LSAMP: variants seen among roughly 807,000 people sequenced by gnomAD.
The protein encoded by LSAMP is limbic system associated membrane protein, also known as limbic system-associated membrane protein.
A neutral mutation model predicts 38.6 loss-of-function variants in LSAMP; 7 were observed. The ratio of observed to expected loss-of-function variants is 0.18; its 90% CI spans 0.10 to 0.34. The LOEUF is 0.34. LSAMP is among the 10% of genes least tolerant of loss of function. The probability of loss-of-function intolerance (pLI) is 1.00; values close to 1 mark genes in which losing one functional copy is unlikely to be tolerated. For synonymous variants in LSAMP, 154 were observed against 166.8 expected (o/e 0.92, Z 0.59); for missense variants, 313 against 420.0 (o/e 0.75, Z 2.23).
chr3:115,952,142 A>G (rs1238075216), intron 3 of LSAMP, among the ~76,000 whole-genome samples: 1 of 152,186 alleles, frequency 6.6e-6, no homozygotes, highest in African/African-American at 2.4e-5. Flanking sequence ...TATAATCACA[A>G]CAGAAAACAG....
chr3:115,935,507 A>G (rs1214846542), intron 3 of LSAMP, among the ~76,000 whole-genome samples: 1 of 152,220 alleles, frequency 6.6e-6, no homozygotes, highest in East Asian at 1.9e-4. Context: ...ATGGAAGTCC[A>G]CTAGGTATCG....
At position 115,977,484 on chromosome 3, in the gene LSAMP, C is replaced by T. The variant is rs147946697; in HGVS notation, c.514+42031G>A. Among the ~76,000 whole-genome samples the T allele has an allele frequency of 3.2e-4, 49 of 152,310 alleles. No individual in the cohort carries two copies. The East Asian group carries it at 9.3e-3, about 29-fold the overall frequency. On this transcript the variant is annotated intron_variant, in intron 3 of 6. Coordinates refer to ENST00000490035, the MANE Select transcript of LSAMP (RefSeq NM_002338.5). The stretch of plus-strand genomic sequence containing the variant: ...TAATTTACCATAGGTTCCTGCCAGA[C>T]ATGGCCAGTCACTCTCCCTTGTGTT...
At chr3:116,427,116 T>TC (rs2049208395) in intron 1 of LSAMP, among the ~76,000 whole-genome samples, 1 of 139,206 alleles carries the variant, frequency 7.2e-6, no homozygotes, top group African/African-American at 2.6e-5. Context: ...TTTCTTTTTT[T>TC]TTTTTTTTTT....
intron 1 of LSAMP, among the ~76,000 whole-genome samples, chr3:116,273,078 AG>A (rs2046995195): frequency 6.6e-6 from 1 of 152,140 alleles, no homozygotes; most frequent in African/African-American, 2.4e-5. Context: ...AGGTCATCAC[AG>A]CACTTAATAA....
chr3:116,411,896 G>T (rs1160987591), intron 1 of LSAMP, among the ~76,000 whole-genome samples: 1 of 151,778 alleles, frequency 6.6e-6, no homozygotes, highest in East Asian at 1.9e-4. Context: ...ATTATTGAGG[G>T]AGTGGGATCC....
chr3:116,380,857 T>C (rs909129781), intron 1 of LSAMP, among the ~76,000 whole-genome samples: 2 of 152,068 alleles, frequency 1.3e-5, no homozygotes, highest in African/African-American at 4.8e-5. Context: ...TGGTTTACAC[T>C]GTTACAAGTA....
rs1002472639 is a variant in LSAMP at position 116,445,342 on chromosome 3, T to C, written c.-311A>G. ...GGAAGCCAAAGGAAAGGGTTCTTGT[T>C]TGGTCTCTCTGTGACTGGATGCTCC... is the stretch of plus-strand genomic sequence containing the variant. On this transcript the variant is annotated 5_prime_UTR_variant, in exon 1 of 7. Transcript: ENST00000490035. 1 of 560,410 alleles carries C rather than the reference T, an allele frequency of 1.8e-6. No homozygotes were observed. The highest frequency in any genetic ancestry group is 3.1e-6 in the Non-Finnish European group (1 of 319,528). 34.7% of individuals were successfully genotyped at this position (560,410 alleles called of 1,614,324 possible). A position where few individuals can be genotyped will look rare whatever the true frequency, so the allele number is the denominator to read the frequency against.
intron 1 of LSAMP, among the ~76,000 whole-genome samples, chr3:116,177,895 T>C (rs1207648833): frequency 6.6e-6 from 1 of 152,202 alleles, no homozygotes; most frequent in Non-Finnish European, 1.5e-5. Flanking sequence ...GAGAGAATTA[T>C]GCTTCTATAA....
chr3:116,221,764 C>T (rs979514297), intron 1 of LSAMP, among the ~76,000 whole-genome samples: 9 of 151,698 alleles, frequency 5.9e-5, no homozygotes, highest in East Asian at 1.9e-4. Context: ...TGGAGAGATG[C>T]GAAGGAACAC....
At chr3:115,974,893 A>C (rs1576274231) in intron 3 of LSAMP, among the ~76,000 whole-genome samples, 1 of 152,070 alleles carries the variant, frequency 6.6e-6, no homozygotes, top group Non-Finnish European at 1.5e-5. Flanking sequence ...ATGGCTGGGA[A>C]CTCAGCTTCC....
Position 115,951,865 on chromosome 3 carries a change from A to G in LSAMP, c.514+67650T>C, listed in dbSNP as rs150993789. On this transcript the variant is annotated intron_variant, in intron 3 of 6. Coordinates refer to ENST00000490035, the MANE Select transcript of LSAMP (RefSeq NM_002338.5). Reference sequence around the variant, plus strand: ...AAAGTCATATATATATATATATCCTATTAGTTGTGTCCTTCTAGAGAACCC... The same window carrying G: ...AAAGTCATATATATATATATATCCTGTTAGTTGTGTCCTTCTAGAGAACCC... Among the ~76,000 whole-genome samples the G allele has an allele frequency of 3.3e-3, 499 of 151,546 alleles. 18 individuals carry two copies. Among genetic ancestry groups the G allele is most frequent in the Admixed American group, 0.031 (465 of 15,186 alleles).
At chr3:116,133,744 A>T (rs748188143) in intron 1 of LSAMP, among the ~76,000 whole-genome samples, 2 of 152,102 alleles carry the variant, frequency 1.3e-5, no homozygotes, top group Non-Finnish European at 2.9e-5. Flanking sequence ...TTTTTTCATG[A>T]AGTTTATATT....
chr3:115,942,532 C>T (rs1463935929), intron 3 of LSAMP, among the ~76,000 whole-genome samples: 1 of 152,020 alleles, frequency 6.6e-6, no homozygotes, highest in East Asian at 1.9e-4. Context: ...GAAAAGAGTT[C>T]CTTTCTCTAA....
intron 6 of LSAMP, among the ~76,000 whole-genome samples, chr3:115,818,400 T>C (rs1243756349): frequency 6.6e-6 from 1 of 152,064 alleles, no homozygotes; most frequent in East Asian, 1.9e-4. Flanking sequence ...ACAGGCTTCG[T>C]GGGAATGATT....
chr3:116,155,246 C>T (rs1709718310), intron 1 of LSAMP, among the ~76,000 whole-genome samples: 1 of 151,800 alleles, frequency 6.6e-6, no homozygotes, highest in African/African-American at 2.4e-5. Flanking sequence ...TTTTTTGAGA[C>T]AGAGTTTTGC....
chr3:116,129,669 G>C (rs1251729584), intron 1 of LSAMP, among the ~76,000 whole-genome samples: 1 of 152,212 alleles, frequency 6.6e-6, no homozygotes, highest in Non-Finnish European at 1.5e-5. Flanking sequence ...AGCAATCCCA[G>C]CTTCCAGTGG....
rs1239633856 is a variant in LSAMP at position 116,119,752 on chromosome 3, C to T, written c.156-33196G>A. ...CGGCTCACTGCAACCTTTGCCACCC[C>T]GATTCAAGTGAGATTCTCCTGCCTC... is the stretch of plus-strand genomic sequence containing the variant. On this transcript the variant is annotated intron_variant, in intron 1 of 6. Transcript: ENST00000490035. 5.3e-5 allele frequency among the ~76,000 whole-genome samples: 8 copies of T among 151,420 alleles called. No homozygotes were observed. In the East Asian group the frequency reaches 9.7e-4, roughly 18 times the overall value.
At chr3:116,442,619 C>G (rs759884306) in intron 1 of LSAMP, among the ~76,000 whole-genome samples, 1 of 152,088 alleles carries the variant, frequency 6.6e-6, no homozygotes, top group Non-Finnish European at 1.5e-5. Flanking sequence ...TGATGAAGCT[C>G]CACCAACCCC....
chr3:116,150,246 A>C (rs1172714408), intron 1 of LSAMP, among the ~76,000 whole-genome samples: 1 of 152,042 alleles, frequency 6.6e-6, no homozygotes, highest in East Asian at 1.9e-4. Flanking sequence ...GGGTTTACTT[A>C]AGTCACCAAA....
Sources: gnomAD v4.1 joint callset for allele counts (sites outside exome capture counted in the v4.1 genomes callset) on GRCh38, gnomAD v4.1.1 for gene constraint, MANE v1.5 for transcripts, NCBI Gene and HGNC (gene_info 2026-07-23, HGNC 2026-07-21) for gene names.